The following SLC9B2 variants were observed in gnomAD, a reference collection of about 807,000 sequenced individuals.
SLC9B2 encodes the protein sodium/hydrogen exchanger 9B2.
In SLC9B2, 39 loss-of-function variants were observed where a neutral mutation model predicts 52.2. The ratio of observed to expected loss-of-function variants is 0.75; its 90% confidence interval spans 0.58 to 0.98. The LOEUF (loss-of-function observed/expected upper bound fraction) is 0.98, where lower values mean the gene tolerates loss of function less well. SLC9B2 is among the 50% of genes least tolerant of loss of function. SLC9B2 has a pLI of 0.00. For missense variants in SLC9B2, 626 were observed against 637.5 expected (o/e 0.98, Z 0.19); for synonymous variants, 214 against 227.0 (o/e 0.94, Z 0.51).
At chr4:103,047,847 T>C (rs1744310291) in intron 6 of SLC9B2, among the ~76,000 whole-genome samples, 2 of 152,172 alleles carry the variant, frequency 1.3e-5, no homozygotes, top group South Asian at 2.1e-4. Context: ...GAAAAACATG[T>C]ATGTGTAAAA....
intron 9 of SLC9B2, among the ~76,000 whole-genome samples, chr4:103,037,840 G>A (rs1447467899): frequency 6.6e-6 from 1 of 150,800 alleles, no homozygotes; most frequent in African/African-American, 2.4e-5. Flanking sequence ...AGTTTTTTGA[G>A]TATATTATAG....
At position 103,043,391 on chromosome 4, in the gene SLC9B2, C is replaced by T. The variant is rs1401181636; in HGVS notation, c.1051G>A (p.Val351Met). Residue 351 changes from valine to methionine, a missense_variant, in exon 9 of 12, where the codon GTG becomes ATG. Coordinates refer to ENST00000394785, the MANE Select transcript of SLC9B2 (RefSeq NM_178833.7). ...FLVLGLSVLA[V>M]FSSVHFGFPG... is the part of the protein sequence containing the mutation. ...AAACCAAAATGCACACTGCTGAACA[C>T]AGCTAGCACAGACAACCCCAACACA... 3.1e-6 allele frequency: 5 copies of T among 1,613,582 alleles called. No homozygotes were observed. The South Asian group carries it at 5.5e-5, about 18-fold the overall frequency.
At chr4:103,053,893 C>A (rs559287286) in intron 4 of SLC9B2, among the ~76,000 whole-genome samples, 1 of 151,928 alleles carries the variant, frequency 6.6e-6, no homozygotes, top group African/African-American at 2.4e-5. Context: ...TTAGTAGAGA[C>A]GGGGTTTCAT....
intron 10 of SLC9B2, among the ~76,000 whole-genome samples, chr4:103,030,328 G>A (rs181010928): frequency 6.6e-6 from 1 of 152,266 alleles, no homozygotes; most frequent in Admixed American, 6.5e-5. Context: ...ATGGTGTAAG[G>A]AAAGGCTCAA....
chr4:103,022,870 A>G lies in SLC9B2; in HGVS notation c.*3500T>C, dbSNP rs906086583. 6.6e-6 allele frequency among the ~76,000 whole-genome samples: 1 copy of G among 152,302 alleles called. No homozygotes were observed. Among genetic ancestry groups the G allele is most frequent in the Admixed American group, 6.5e-5 (1 of 15,298 alleles). On this transcript the variant is annotated 3_prime_UTR_variant, in exon 12 of 12. Transcript: ENST00000394785. ...CTCATGCTGTGATTAGAGTACCCTT[A>G]TAAGAAGAGACACCAGAGAGCTTGC... is the stretch of plus-strand genomic sequence containing the variant.
intron 9 of SLC9B2, among the ~76,000 whole-genome samples, chr4:103,034,750 G>C (rs540503010): frequency 6.6e-6 from 1 of 152,052 alleles, no homozygotes; most frequent in African/African-American, 2.4e-5. Flanking sequence ...ACCAAAATGA[G>C]ACACCATCTC....
rs1209901489 is a variant in SLC9B2, at chr4:103,043,522, G to T, written c.997-77C>A. 13 of 1,290,448 alleles carry T rather than the reference G, an allele frequency of 1.0e-5. No individual in the cohort carries two copies. In the South Asian group the frequency reaches 1.7e-4, roughly 17 times the overall value. The allele number at this position is 1,290,448 out of a possible 1,614,324, so 79.9% of individuals were successfully genotyped here. ...AATGATTGATTTTTTCCATATCTAG[G>T]ATTTAGAAAGAAAATAAAAATTAAA... On this transcript the variant is annotated intron_variant, in intron 8 of 11. Coordinates refer to ENST00000394785, the MANE Select transcript of SLC9B2 (RefSeq NM_178833.7).
chr4:103,047,821 G>A (rs1316922751), intron 6 of SLC9B2, among the ~76,000 whole-genome samples: 2 of 152,064 alleles, frequency 1.3e-5, no homozygotes, highest in Non-Finnish European at 2.9e-5. Context: ...TCAAATGGCA[G>A]AGAAGCATGA....
intron 4 of SLC9B2, among the ~76,000 whole-genome samples, chr4:103,053,792 T>C (rs573870187): frequency 6.6e-6 from 1 of 152,250 alleles, no homozygotes; most frequent in East Asian, 1.9e-4. Context: ...AACCTCTGCC[T>C]GCTGGGTTCA....
chr4:103,028,967 C>T (rs1742461929), intron 10 of SLC9B2, 84 bp from the exon 11 acceptor site: 1 of 1,139,634 alleles, frequency 8.8e-7, no homozygotes, highest in African/African-American at 1.6e-5. Flanking sequence ...AAATAACCAT[C>T]AACAGAAATA....
At chr4:103,027,879 T>C (rs1742363064) in intron 11 of SLC9B2, among the ~76,000 whole-genome samples, 1 of 152,148 alleles carries the variant, frequency 6.6e-6, no homozygotes, top group Admixed American at 6.6e-5. Context: ...CTGCTGAGCA[T>C]ACACATCCCC....
downstream of SLC9B2, among the ~76,000 whole-genome samples, chr4:103,021,953 C>T (rs888536494): frequency 6.6e-6 from 1 of 152,204 alleles, no homozygotes; most frequent in Admixed American, 6.5e-5. Context: ...GTATCAGTTC[C>T]TCTAAGATTT....
chr4:103,047,206 G>A lies in SLC9B2; in HGVS notation c.734C>T (p.Ser245Phe). 1 of 1,613,166 alleles carries A rather than the reference G, an allele frequency of 6.2e-7. No individual in the cohort carries two copies. The highest frequency in any genetic ancestry group is 1.1e-5 in the South Asian group (1 of 90,978). The change falls in exon 7 of 12, where the codon TCT (serine) becomes TTT (phenylalanine). Residue 245 changes from serine (S) to phenylalanine (F), a missense_variant. Transcript: ENST00000394785. ...FILGFVLGAV[S>F]PAVVVPSMLL... is the part of the protein sequence containing the mutation. ...CATTGAAGGCACCACAACAGCTGGA[G>A]ATACAGCACCTAAAACAAAACTAGG... is the stretch of plus-strand genomic sequence containing the variant.
At chr4:103,060,696 T>C (rs563226223) in intron 3 of SLC9B2, among the ~76,000 whole-genome samples, 18 of 152,348 alleles carry the variant, frequency 1.2e-4, no homozygotes, top group African/African-American at 1.4e-4. Flanking sequence ...CCTTGGAACT[T>C]TGTCTAACTT....
chr4:103,057,991 C>G lies in SLC9B2; in HGVS notation c.272-20G>C. The G allele has an allele frequency of 6.3e-7, 1 of 1,591,690 alleles. No homozygotes were observed. The highest frequency in any genetic ancestry group is 8.5e-7 in the Non-Finnish European group (1 of 1,173,074). ...TGGTAACTGAAATAAACCAGGAATA[C>G]TAGTTACTATCAATAAGTTGTCACA... On this transcript the variant is annotated intron_variant, in intron 3 of 11. Transcript: ENST00000394785.
At chr4:103,051,198 G>C (rs1225846331) in intron 4 of SLC9B2, among the ~76,000 whole-genome samples, 1 of 152,192 alleles carries the variant, frequency 6.6e-6, no homozygotes, top group African/African-American at 2.4e-5. Flanking sequence ...TCTGAAAACT[G>C]CAAGTAGTTG....
intron 3 of SLC9B2, among the ~76,000 whole-genome samples, chr4:103,063,641 T>C (rs1404807508): frequency 1.3e-5 from 2 of 152,084 alleles, no homozygotes; most frequent in African/African-American, 2.4e-5. Flanking sequence ...GTCTGAGCAA[T>C]AACTTTTTGG....
chr4:103,042,401 AAAAT>A (rs1489815825), intron 9 of SLC9B2: 1 of 152,144 alleles, frequency 6.6e-6, no homozygotes, highest in Non-Finnish European at 1.5e-5. Context: ...TCTGAAAATT[AAAAT>A]AAATAAATGA....
chr4:103,046,747 C>G (rs1249870676), intron 7 of SLC9B2, among the ~76,000 whole-genome samples: 1 of 151,406 alleles, frequency 6.6e-6, no homozygotes, highest in Non-Finnish European at 1.5e-5. Flanking sequence ...CTCCACACAT[C>G]TTTTGTGTGA....
Sources: gnomAD v4.1 joint callset for allele counts (sites outside exome capture counted in the v4.1 genomes callset) on GRCh38, gnomAD v4.1.1 for gene constraint, MANE v1.5 for transcripts, NCBI Gene and HGNC (gene_info 2026-07-23, HGNC 2026-07-21) for gene names.